Variants in NOC4L observed in about 807,000 individuals in gnomAD.
NOC4L encodes the protein nucleolar complex protein 4 homolog.
Under a neutral mutation model 62.8 loss-of-function variants are expected in NOC4L, and 40 were observed. That is an observed-to-expected ratio of 0.64 (90% CI 0.49 to 0.83). The LOEUF (loss-of-function observed/expected upper bound fraction) is 0.83. Ranked by LOEUF, NOC4L falls within the 40% of genes least tolerant of loss-of-function variation. NOC4L has a pLI of 0.00. For missense variants in NOC4L, 927 were observed against 701.9 expected (o/e 1.32, Z -3.62); for synonymous variants, 433 against 299.8 (o/e 1.44, Z -4.59).
chr12:132,147,677 G>A lies in NOC4L; in HGVS notation c.498G>A (p.Leu166=). ...GLLSPEEDQS[L]LLSQFREYLD... is the part of the protein sequence containing the mutation. Reference sequence around the variant, plus strand: ...TGTCTCCTGAGGAGGACCAGAGCCTGCTCCTGTCCCAGTTCCGGGAGTACC... The same window carrying A: ...TGTCTCCTGAGGAGGACCAGAGCCTACTCCTGTCCCAGTTCCGGGAGTACC... The change falls in exon 5 of 15, where the codon CTG becomes CTA. Residue 166 remains leucine, a synonymous_variant. Transcript: ENST00000330579. 3 of 1,612,936 alleles carry A rather than the reference G, an allele frequency of 1.9e-6. No individual in the cohort carries two copies. Among genetic ancestry groups the A allele is most frequent in the Non-Finnish European group, 2.5e-6 (3 of 1,179,938 alleles).
intron 9 of NOC4L, 177 bp from the exon 10 acceptor site, chr12:132,150,804 T>A: frequency 4.1e-6 from 2 of 483,234 alleles, no homozygotes; most frequent in East Asian, 3.5e-5. Context: ...CCGATCCCAC[T>A]GCCTCCACCC....
At chr12:132,151,143 G>T (rs1276263506) in intron 10 of NOC4L, 102 bp downstream of exon 10, 1 of 1,425,462 alleles carries the variant, frequency 7.0e-7, no homozygotes, top group Non-Finnish European at 9.8e-7. Context: ...TTCCTCACAG[G>T]CCATGGTGTT....
intron 13 of NOC4L, 64 bp from the exon 14 acceptor site, chr12:132,152,020 C>G (rs1873004605): frequency 1.4e-6 from 2 of 1,470,388 alleles, no homozygotes; most frequent in Non-Finnish European, 1.8e-6. Context: ...CACAGGGAGG[C>G]CATGGCTGGG....
In NOC4L at chr12:132,148,915, TCACACCACACC is replaced by T. The variant is rs1897843482; in HGVS notation, c.901+22_901+32del. ...ACCTCGGTGAGTGCCGCCGCCTCGC[TCACACCACACC>T]CCTAATCCCCTCGGTGAGTGCCGCC... On this transcript the variant is annotated intron_variant, in intron 9 of 14. Transcript: ENST00000330579. The T allele has an allele frequency of 9.5e-7, 1 of 1,054,084 alleles. No individual in the cohort carries two copies. Among genetic ancestry groups the T allele is most frequent in the African/African-American group, 1.7e-5 (1 of 58,672 alleles). 65.3% of individuals were successfully genotyped at this position (1,054,084 alleles called of 1,614,324 possible). A position where few individuals can be genotyped will look rare whatever the true frequency, so the allele number is the denominator to read the frequency against.
In NOC4L at chr12:132,151,497, T is replaced by G; in HGVS notation, c.1087T>G (p.Tyr363Asp). Residue 363 changes from tyrosine to aspartate, a missense_variant, in exon 12 of 15, where the codon TAC becomes GAC. Coordinates refer to ENST00000330579, the MANE Select transcript of NOC4L (RefSeq NM_024078.3). ...LFLSSSHLPA[Y>D]LVAAFAKRLA... The stretch of plus-strand genomic sequence containing the variant: ...TGCCCTGCCCAGCCACCTCCCCGCC[T>G]ACCTGGTGGCCGCCTTCGCCAAGCG... 6.2e-7 allele frequency: 1 copy of G among 1,603,826 alleles called. No homozygotes were observed. Among genetic ancestry groups the G allele is most frequent in the Non-Finnish European group, 8.5e-7 (1 of 1,179,186 alleles).
At position 132,150,961 on chromosome 12, in the gene NOC4L, C is replaced by T. The variant is rs374767591; in HGVS notation, c.902-20C>T. ...GGAGCGAGGTCACTGCAGCTCCAGC[C>T]TGTGTCTGTCTGTCTGCAGGGGGGG... is the stretch of plus-strand genomic sequence containing the variant. On this transcript the variant is annotated intron_variant, in intron 9 of 14. Coordinates refer to ENST00000330579, the MANE Select transcript of NOC4L (RefSeq NM_024078.3). The T allele has an allele frequency of 1.8e-5, 29 of 1,592,202 alleles. No individual in the cohort carries two copies. The highest frequency in any genetic ancestry group is 2.3e-5 in the South Asian group (2 of 88,092).
At position 132,151,368 on chromosome 12, in the gene NOC4L, C is replaced by T. The variant is rs369078892; in HGVS notation, c.1073C>T (p.Ser358Phe). 12 of 1,608,870 alleles carry T rather than the reference C, an allele frequency of 7.5e-6. No individual in the cohort carries two copies. Among genetic ancestry groups the T allele is most frequent in the Admixed American group, 1.7e-5 (1 of 60,022 alleles). The part of the protein sequence containing the change: ...FHLADLFLSS[S>F]HLPAYLVAAF... ...CTGGCTGACCTCTTCCTGTCCTCCT[C>T]GTGAGTACCAGGGCACCTGGCTCTG... Residue 358 changes from serine to phenylalanine, a missense_variant and splice_region_variant, in exon 11 of 15, where the codon TCC becomes TTC. Coordinates refer to ENST00000330579, the MANE Select transcript of NOC4L (RefSeq NM_024078.3).
chr12:132,151,091 C>T (rs1338839530), intron 10 of NOC4L, 50 bp downstream of exon 10: 4 of 1,535,538 alleles, frequency 2.6e-6, no homozygotes, highest in East Asian at 2.3e-5. Context: ...CCCAGCCCTG[C>T]TCCTCTGTCC....
In NOC4L at chr12:132,145,114, A is replaced by G. The variant is rs1357457715; in HGVS notation, c.238+140A>G. ...GGACGCACCAAGCCCACCGTGGAAG[A>G]TGGATGGTGGCGTTGGGGCAGGGGT... On this transcript the variant is annotated intron_variant, in intron 2 of 14. Transcript: ENST00000330579. 4 of 1,235,320 alleles carry G rather than the reference A, an allele frequency of 3.2e-6. No homozygotes were observed. The Admixed American group carries it at 8.1e-5, about 25-fold the overall frequency. The allele number at this position is 1,235,320 out of a possible 1,614,324, so 76.5% of individuals were successfully genotyped here. A position where few individuals can be genotyped will look rare whatever the true frequency, so the allele number is the denominator to read the frequency against.
At chr12:132,148,563 G>C (rs924823128) in intron 7 of NOC4L, 46 bp from the exon 8 acceptor site, 10 of 1,547,614 alleles carry the variant, frequency 6.5e-6, no homozygotes, top group South Asian at 6.0e-5. Flanking sequence ...TCGGGCTCTG[G>C]TCTGGGGTGG....
intron 3 of NOC4L, chr12:132,146,230 CT>C (rs1213677262): frequency 8.8e-6 from 4 of 455,708 alleles, no homozygotes; most frequent in African/African-American, 4.0e-5. Flanking sequence ...AATGGGTTTG[CT>C]TTTTTTAGAC....
rs202070598 is a variant in NOC4L, at chr12:132,147,977, C to T, written c.701C>T (p.Ala234Val). The T allele has an allele frequency of 2.0e-5, 32 of 1,610,620 alleles. No individual in the cohort carries two copies. The highest frequency in any genetic ancestry group is 3.3e-4 in the Middle Eastern group (2 of 6,072). Residue 234 changes from alanine (A) to valine (V), a missense_variant and splice_region_variant, in exon 6 of 15, where the codon GCG becomes GTG. Ala to Val is a moderately conservative substitution (Grantham distance 64). Transcript: ENST00000330579. ...PTVSSFYVKR[A>V]ELWDTWKVAH... ...GTCTCCAGCTTCTATGTGAAGCGGG[C>T]GGGTGAGTGTGCTGAGAGTCAGGGG...
At chr12:132,148,736 G>A (rs1392565381) in intron 8 of NOC4L, 48 bp from the exon 9 acceptor site, 12 of 306,026 alleles carry the variant, frequency 3.9e-5, no homozygotes, top group African/African-American at 9.3e-5. Flanking sequence ...CCGACCCGCC[G>A]GCCCCCGCCC....
chr12:132,151,461 C>G, intron 11 of NOC4L, 23 bp from the exon 12 acceptor site: 1 of 1,599,932 alleles, frequency 6.3e-7, no homozygotes, highest in Non-Finnish European at 8.5e-7. Flanking sequence ...CGGGCCCTGT[C>G]TCACAACCAC....
intron 1 of NOC4L, 41 bp from the exon 2 acceptor site, chr12:132,144,813 A>C (rs1897644890): frequency 6.3e-7 from 1 of 1,580,032 alleles, no homozygotes; most frequent in Non-Finnish European, 8.6e-7. Context: ...GGCGAAGGTG[A>C]CAGTTGGCGG....
chr12:132,147,576 G>C, intron 4 of NOC4L, 57 bp from the exon 5 acceptor site: 1 of 1,589,158 alleles, frequency 6.3e-7, no homozygotes, highest in Non-Finnish European at 8.6e-7. Context: ...CTGCCTGCCT[G>C]GACCTTGCTG....
chr12:132,147,224 C>G (rs758696669), intron 3 of NOC4L, 57 bp from the exon 4 acceptor site: 30 of 1,323,608 alleles, frequency 2.3e-5, no homozygotes, highest in Non-Finnish European at 2.9e-5. Flanking sequence ...GGGCTGAGCT[C>G]TGGGCCCATC....
intron 3 of NOC4L, among the ~76,000 whole-genome samples, chr12:132,146,821 C>G (rs1041358551): frequency 6.6e-6 from 1 of 152,156 alleles, no homozygotes; most frequent in Non-Finnish European, 1.5e-5. Flanking sequence ...CCGCACGAGG[C>G]TCTTTTGCTT....
chr12:132,145,284 G>A (rs543756451), intron 2 of NOC4L, among the ~76,000 whole-genome samples: 4 of 152,318 alleles, frequency 2.6e-5, no homozygotes, highest in African/African-American at 9.6e-5. Flanking sequence ...CCCCATCCTG[G>A]GGACGTCAGG....
Sources: gnomAD v4.1 joint callset for allele counts (sites outside exome capture counted in the v4.1 genomes callset) on GRCh38, gnomAD v4.1.1 for gene constraint, MANE v1.5 for transcripts, NCBI Gene and HGNC (gene_info 2026-07-23, HGNC 2026-07-21) for gene names.